GRIA3: variants seen among roughly 807,000 people sequenced by gnomAD.
The protein encoded by GRIA3 is glutamate receptor 3.
A neutral mutation model predicts 63.0 loss-of-function variants in GRIA3; 3 were observed. That is an observed-to-expected ratio of 0.05 (90% confidence interval 0.02 to 0.12). The LOEUF is 0.12. Ranked by LOEUF, GRIA3 falls within the 10% of genes least tolerant of loss-of-function variation. The probability of loss-of-function intolerance (pLI) is 1.00; values close to 1 mark genes in which losing one functional copy is unlikely to be tolerated. For missense variants in GRIA3, 347 were observed against 700.9 expected, an observed-to-expected ratio of 0.50 and a Z score of 5.70; for synonymous variants, 274 against 257.9, an observed-to-expected ratio of 1.06 and a Z score of -0.60.
intron 12 of GRIA3, among the ~76,000 whole-genome samples, chrX:123,438,759 C>T (rs2045658273): frequency 8.9e-6 from 1 of 112,731 alleles, no homozygotes; most frequent in Admixed American, 9.3e-5. Context: ...CCTGCCTCAG[C>T]CTCCCAAAGT....
intron 5 of GRIA3, among the ~76,000 whole-genome samples, chrX:123,364,261 G>A (rs2045196573): frequency 8.9e-6 from 1 of 111,779 alleles, no homozygotes; most frequent in Non-Finnish European, 1.9e-5. Flanking sequence ...ATGTTGTAGA[G>A]TATACACATA....
intron 5 of GRIA3, among the ~76,000 whole-genome samples, chrX:123,393,431 G>T (rs1253205085): frequency 2.7e-5 from 3 of 112,233 alleles, no homozygotes; most frequent in Non-Finnish European, 5.6e-5. Flanking sequence ...TGTTAAAAAA[G>T]AGAGGAAACA....
At chrX:123,335,424 G>A (rs978881929) in intron 4 of GRIA3, among the ~76,000 whole-genome samples, 3 of 111,507 alleles carry the variant, frequency 2.7e-5, no homozygotes, top group African/African-American at 9.8e-5. Context: ...ATTGGATTCT[G>A]ATTAACTGAG....
intron 2 of GRIA3, among the ~76,000 whole-genome samples, chrX:123,246,401 C>G (rs991402517): frequency 7.2e-5 from 8 of 111,086 alleles, no homozygotes; most frequent in Non-Finnish European, 1.3e-4. Flanking sequence ...TAAGGGAGAC[C>G]CTGTTTTCTT....
intron 14 of GRIA3, among the ~76,000 whole-genome samples, chrX:123,480,404 C>G (rs998761611): frequency 4.5e-5 from 5 of 111,881 alleles, no homozygotes; most frequent in Non-Finnish European, 5.6e-5. Context: ...GAAACTCAAT[C>G]TGGCCTACTG....
At chrX:123,216,054 A>G (rs1287047649) in intron 2 of GRIA3, among the ~76,000 whole-genome samples, 1 of 112,137 alleles carries the variant, frequency 8.9e-6, no homozygotes, top group African/African-American at 3.2e-5. Flanking sequence ...GCACACGAAA[A>G]TAAGTGAAAA....
At chrX:123,417,836 T>C (rs1402645384) in intron 11 of GRIA3, 58 bp downstream of exon 11, 1 of 1,004,754 alleles carries the variant, frequency 1.0e-6, no homozygotes, top group African/African-American at 1.8e-5. Flanking sequence ...ACTCCATTCA[T>C]GTACATATGG....
intron 2 of GRIA3, among the ~76,000 whole-genome samples, chrX:123,250,704 C>T (rs1389343554): frequency 9.0e-6 from 1 of 111,473 alleles, no homozygotes; most frequent in African/African-American, 3.3e-5. Context: ...AGCCCATGAC[C>T]ATTATTAGTA....
intron 13 of GRIA3, among the ~76,000 whole-genome samples, chrX:123,477,110 G>GTTTT (rs1332979852): frequency 2.3e-4 from 26 of 111,630 alleles, no homozygotes; most frequent in Non-Finnish European, 9.4e-5. Context: ...AGAGTGGACA[G>GTTTT]TGGCAGCCCA....
chrX:123,474,446 G>A (rs1284393166), intron 13 of GRIA3, among the ~76,000 whole-genome samples: 1 of 111,763 alleles, frequency 8.9e-6, no homozygotes, highest in Admixed American at 9.5e-5. Context: ...CACTTTGGGA[G>A]GCTGAGGTGG....
At chrX:123,408,285 A>G (rs993118543) in intron 10 of GRIA3, among the ~76,000 whole-genome samples, 4 of 111,599 alleles carry the variant, frequency 3.6e-5, no homozygotes, top group African/African-American at 1.3e-4. Context: ...AGTTTCTACT[A>G]GCCCAGGTTA....
At chrX:123,222,563 G>A (rs924780052) in intron 2 of GRIA3, among the ~76,000 whole-genome samples, 1 of 111,885 alleles carries the variant, frequency 8.9e-6, no homozygotes, top group Non-Finnish European at 1.9e-5. Context: ...ATCGTATTTA[G>A]CTAGAGCAGA....
chrX:123,389,473 T>C (rs138357774), intron 5 of GRIA3, among the ~76,000 whole-genome samples: 1,572 of 110,520 alleles, frequency 0.014, 35 homozygotes, highest in African/African-American at 0.049. Flanking sequence ...ACCTTCTTTG[T>C]CTCCTTTCAC....
At chrX:123,281,158 A>T (rs2044583752) in intron 3 of GRIA3, among the ~76,000 whole-genome samples, 1 of 111,939 alleles carries the variant, frequency 8.9e-6, no homozygotes. Context: ...ATATACTCAA[A>T]CTTTAGTAGC....
At chrX:123,488,093 A>G (rs1314837745) in intron 15 of GRIA3, among the ~76,000 whole-genome samples, 1 of 111,972 alleles carries the variant, frequency 8.9e-6, no homozygotes, top group Non-Finnish European at 1.9e-5. Context: ...CAAAAAGAAG[A>G]CACTATCAGC....
intron 3 of GRIA3, chrX:123,253,773 T>G (rs1259780981): frequency 2.6e-6 from 1 of 378,814 alleles, no homozygotes; most frequent in Non-Finnish European, 4.5e-6. Flanking sequence ...TTGGAATACC[T>G]CTTGATTGAG....
chrX:123,277,498 G>T (rs190243430), intron 3 of GRIA3, among the ~76,000 whole-genome samples: 190 of 111,196 alleles, frequency 1.7e-3, no homozygotes, highest in African/African-American at 5.8e-3. Context: ...GCCTCGTGAT[G>T]TAGGAAGGAC....
chrX:123,317,293 G>T (rs1315788285), intron 3 of GRIA3, among the ~76,000 whole-genome samples: 1 of 110,777 alleles, frequency 9.0e-6, no homozygotes, highest in Non-Finnish European at 1.9e-5. Context: ...TTCTGCCCTG[G>T]CCTCTCCAAA....
intron 15 of GRIA3, among the ~76,000 whole-genome samples, chrX:123,485,900 G>A (rs1410606846): frequency 9.0e-6 from 1 of 111,087 alleles, no homozygotes; most frequent in African/African-American, 3.3e-5. Flanking sequence ...GGTCTGGGAT[G>A]GGGCCTGAGG....
Sources: gnomAD v4.1 joint callset for allele counts (sites outside exome capture counted in the v4.1 genomes callset) on GRCh38, gnomAD v4.1.1 for gene constraint, MANE v1.5 for transcripts, NCBI Gene and HGNC (gene_info 2026-07-23, HGNC 2026-07-21) for gene names.